CERK: variants seen among roughly 807,000 people sequenced by gnomAD.
CERK encodes ceramide kinase.
CERK carries 39 observed loss-of-function variants against 63.4 expected under a neutral mutation model. That is an observed-to-expected ratio of 0.61 (90% confidence interval 0.48 to 0.80). The LOEUF (loss-of-function observed/expected upper bound fraction) is 0.80, where lower values mean the gene tolerates loss of function less well. CERK is among the 30% of genes least tolerant of loss of function. The pLI is 0.00. For synonymous variants in CERK, 302 were observed against 280.0 expected (o/e 1.08, Z -0.78); for missense variants, 670 against 714.1 (o/e 0.94, Z 0.70).
chr22:46,723,853 G>A lies in CERK; in HGVS notation c.143-2838C>T, dbSNP rs995614053. 6.6e-5 allele frequency among the ~76,000 whole-genome samples: 10 copies of A among 151,904 alleles called. No homozygotes were observed. In the East Asian group the frequency reaches 9.8e-4, roughly 15 times the overall value. On this transcript the variant is annotated intron_variant, in intron 1 of 12. Coordinates refer to ENST00000216264, the MANE Select transcript of CERK (RefSeq NM_022766.6). ...GCTGGGATTATAGGCGCCTGCCACC[G>A]CACCCGGCTAACTTTTGTACTTTTA...
intron 9 of CERK, among the ~76,000 whole-genome samples, chr22:46,694,229 C>G (rs1005650236): frequency 6.6e-6 from 1 of 152,192 alleles, no homozygotes; most frequent in African/African-American, 2.4e-5. Flanking sequence ...GTGTCCTCAG[C>G]CCCAGGCAGA....
At chr22:46,731,515 A>G (rs1264190438) in intron 1 of CERK, among the ~76,000 whole-genome samples, 2 of 152,276 alleles carry the variant, frequency 1.3e-5, no homozygotes, top group Admixed American at 6.5e-5. Flanking sequence ...GCAGTGCCAG[A>G]GAAACCAGCT....
intron 1 of CERK, among the ~76,000 whole-genome samples, chr22:46,724,835 T>A (rs59559037): frequency 1.3e-5 from 2 of 151,954 alleles, no homozygotes; most frequent in Non-Finnish European, 1.5e-5. Context: ...CTGGCTAACA[T>A]GGTGAAACCC....
rs745752760 is a variant in CERK, at chr22:46,690,170, C to T, written c.1363G>A (p.Val455Ile). The change falls in exon 12 of 13, where the codon GTC becomes ATC. Residue 455 changes from valine (V) to isoleucine (I), a missense_variant. By Grantham distance (29) the Val-to-Ile change is conservative (BLOSUM62 3). Coordinates refer to ENST00000216264, the MANE Select transcript of CERK (RefSeq NM_022766.6). ...TTCGACGTAAACTGGAATTTCTTGACGCGATAAACTTCAACAAAAGTGAAG... is the reference window on the plus strand; with the variant it reads ...TTCGACGTAAACTGGAATTTCTTGATGCGATAAACTTCAACAAAAGTGAAG... ...FDFTFVEVYR[V>I]KKFQFTSKHM... is the part of the protein sequence containing the mutation. 1.1e-5 allele frequency: 17 copies of T among 1,613,800 alleles called. No individual in the cohort carries two copies. Among genetic ancestry groups the T allele is most frequent in the Admixed American group, 6.7e-5 (4 of 59,976 alleles).
At chr22:46,727,282 CTCT>C (rs1030409808) in intron 1 of CERK, among the ~76,000 whole-genome samples, 10 of 151,946 alleles carry the variant, frequency 6.6e-5, no homozygotes, top group South Asian at 4.2e-4. Context: ...CCAATGTCTC[CTCT>C]TCTTTTTTTT....
At chr22:46,712,107 A>G (rs757995727) in intron 4 of CERK, 61 bp downstream of exon 4, 195 of 1,588,468 alleles carry the variant, frequency 1.2e-4, no homozygotes, top group Non-Finnish European at 1.2e-4. Flanking sequence ...AAACGTCTCT[A>G]GTGACTATAC....
intron 6 of CERK, among the ~76,000 whole-genome samples, chr22:46,704,824 CAAAAAAAA>C (rs11431926): frequency 2.4e-5 from 2 of 83,694 alleles, no homozygotes; most frequent in East Asian, 4.6e-4. Flanking sequence ...GACTCCATCT[CAAAAAAAA>C]AAAAAAAAAA....
intron 1 of CERK, among the ~76,000 whole-genome samples, chr22:46,722,409 G>T (rs1393112879): frequency 6.6e-6 from 1 of 152,062 alleles, no homozygotes; most frequent in African/African-American, 2.4e-5. Flanking sequence ...TGATGGGGAG[G>T]GGGTGGGTTA....
In CERK at chr22:46,689,980, C is replaced by A. The variant is rs1167447050; in HGVS notation, c.1541+12G>T. 6.3e-7 allele frequency: 1 copy of A among 1,589,528 alleles called. No individual in the cohort carries two copies. The highest frequency in any genetic ancestry group is 8.5e-7 in the Non-Finnish European group (1 of 1,172,248). ...GGGATGGCGCTGGTGGCTGGAGGAC[C>A]CCTGCACGCACCTGACCTCGATGGC... On this transcript the variant is annotated intron_variant, in intron 12 of 12. Coordinates refer to ENST00000216264, the MANE Select transcript of CERK (RefSeq NM_022766.6).
chr22:46,731,318 G>A (rs926414032), intron 1 of CERK, among the ~76,000 whole-genome samples: 1 of 152,228 alleles, frequency 6.6e-6, no homozygotes, highest in Non-Finnish European at 1.5e-5. Context: ...TTAGGGGAGT[G>A]CATGTGGGGA....
chr22:46,701,792 A>G, intron 6 of CERK, 82 bp from the exon 7 acceptor site: 1 of 982,338 alleles, frequency 1.0e-6, no homozygotes, highest in Non-Finnish European at 1.6e-6. Flanking sequence ...GTGGTACCTC[A>G]TTCCTTTCCT....
intron 1 of CERK, among the ~76,000 whole-genome samples, chr22:46,728,059 C>T (rs2082928337): frequency 6.6e-6 from 1 of 152,166 alleles, no homozygotes; most frequent in African/African-American, 2.4e-5. Flanking sequence ...CACACCTGCG[C>T]AGCCCCTGTG....
At chr22:46,707,741 T>G in intron 6 of CERK, 102 bp downstream of exon 6, 16 of 1,317,574 alleles carry the variant, frequency 1.2e-5, no homozygotes, top group Non-Finnish European at 1.7e-5. Flanking sequence ...CGAACTAAAC[T>G]GAGTATAATT....
At chr22:46,718,469 G>A (rs945539058) in intron 3 of CERK, among the ~76,000 whole-genome samples, 1 of 152,138 alleles carries the variant, frequency 6.6e-6, no homozygotes, top group African/African-American at 2.4e-5. Context: ...GCAGAGGAAC[G>A]GGGCTTGTGG....
chr22:46,690,093 A>G lies in CERK; in HGVS notation c.1440T>C (p.Phe480=). 6.2e-7 allele frequency: 1 copy of G among 1,613,946 alleles called. No homozygotes were observed. Among genetic ancestry groups the G allele is most frequent in the Non-Finnish European group, 8.5e-7 (1 of 1,179,944 alleles). ...SDLKEGGKKR[F]GHICSSHPSC... is the part of the protein sequence containing the mutation. The stretch of plus-strand genomic sequence containing the variant: ...AGGGGTGGCTGCTGCAAATGTGCCC[A>G]AAGCGCTTCTTCCCCCCCTCCTTGA... The change falls in exon 12 of 13, where the codon TTT becomes TTC. Residue 480 remains phenylalanine, a synonymous_variant. Transcript: ENST00000216264.
chr22:46,733,155 C>T (rs1032859941), intron 1 of CERK, among the ~76,000 whole-genome samples: 4 of 135,052 alleles, frequency 3.0e-5, no homozygotes, highest in African/African-American at 5.6e-5. Context: ...TTGCAGTGAG[C>T]TGAGATCACG....
intron 6 of CERK, among the ~76,000 whole-genome samples, chr22:46,706,043 A>G (rs1307421938): frequency 6.6e-6 from 1 of 152,246 alleles, no homozygotes; most frequent in African/African-American, 2.4e-5. Context: ...GTCTCAAACA[A>G]AAAGACAAGC....
At chr22:46,696,367 A>G (rs801711) in intron 8 of CERK, among the ~76,000 whole-genome samples, 12,930 of 151,750 alleles carry the variant, frequency 0.085, 1,056 homozygotes, top group African/African-American at 0.22. Context: ...TGCTCCTCCC[A>G]TGGGGGTCCC....
At chr22:46,722,482 T>C (rs2082897126) in intron 1 of CERK, among the ~76,000 whole-genome samples, 1 of 151,318 alleles carries the variant, frequency 6.6e-6, no homozygotes, top group East Asian at 1.9e-4. Flanking sequence ...ATCCTCCTCC[T>C]GGGTATAGGA....
Sources: gnomAD v4.1 joint callset for allele counts (sites outside exome capture counted in the v4.1 genomes callset) on GRCh38, gnomAD v4.1.1 for gene constraint, MANE v1.5 for transcripts, NCBI Gene and HGNC (gene_info 2026-07-23, HGNC 2026-07-21) for gene names.